The following LPL variants were observed in gnomAD, a reference collection of about 807,000 sequenced individuals.
LPL encodes phospholipase A1.
LPL carries 43 observed loss-of-function variants against 52.2 expected under a neutral mutation model. The observed-to-expected ratio is 0.82, with a 90% confidence interval of 0.64 to 1.06. The LOEUF (loss-of-function observed/expected upper bound fraction) is 1.06, where lower values mean the gene tolerates loss of function less well. Ranked by LOEUF, LPL falls within the 50% of genes least tolerant of loss-of-function variation. The probability of loss-of-function intolerance (pLI) is 0.00; values close to 1 mark genes in which losing one functional copy is unlikely to be tolerated. For missense variants in LPL, 639 were observed against 585.3 expected, an observed-to-expected ratio of 1.09 and a Z score of -0.95; for synonymous variants, 244 against 215.6, an observed-to-expected ratio of 1.13 and a Z score of -1.15.
chr8:19,954,375 A>T (rs1156888505), intron 5 of LPL, 22 bp downstream of exon 5: 1 of 1,598,486 alleles, frequency 6.3e-7, no homozygotes, highest in Non-Finnish European at 8.6e-7. Flanking sequence ...TTAGAAGCGA[A>T]TTAAATGTGA....
At chr8:19,952,478 C>T (rs914908587) in intron 3 of LPL, among the ~76,000 whole-genome samples, 2 of 152,116 alleles carry the variant, frequency 1.3e-5, no homozygotes, top group African/African-American at 4.8e-5. Context: ...GTCTGGAGTT[C>T]TGACTTAGCT....
intron 5 of LPL, 106 bp downstream of exon 5, chr8:19,954,459 T>C: frequency 9.0e-7 from 1 of 1,106,194 alleles, no homozygotes; most frequent in Non-Finnish European, 1.3e-6. Context: ...ATATACACAT[T>C]TGGCCAAATT....
chr8:19,960,486 G>C (rs312), intron 7 of LPL, among the ~76,000 whole-genome samples: 24,352 of 152,038 alleles, frequency 0.16, 2,194 homozygotes, highest in African/African-American at 0.24. Flanking sequence ...AACTATAATT[G>C]TAGGAAACCC....
intron 1 of LPL, among the ~76,000 whole-genome samples, chr8:19,947,623 A>G (rs1590138848): frequency 6.7e-6 from 1 of 149,402 alleles, no homozygotes; most frequent in East Asian, 2.0e-4. Flanking sequence ...ACAGAACAAG[A>G]CCCTGTCTCA....
chr8:19,952,709 C>T (rs1227525052), intron 3 of LPL, among the ~76,000 whole-genome samples: 1 of 152,146 alleles, frequency 6.6e-6, no homozygotes, highest in Non-Finnish European at 1.5e-5. Flanking sequence ...GGGATCACCT[C>T]CCTGGGGCTC....
chr8:19,952,063 C>T (rs1236180487), intron 3 of LPL, 115 bp downstream of exon 3: 9 of 1,178,878 alleles, frequency 7.6e-6, no homozygotes, highest in African/African-American at 4.6e-5. Flanking sequence ...TGGGGGCATT[C>T]AAATCTTCAG....
At chr8:19,945,505 C>T (rs984495919) in intron 1 of LPL, among the ~76,000 whole-genome samples, 1 of 152,168 alleles carries the variant, frequency 6.6e-6, no homozygotes. Context: ...TCTCTAAATA[C>T]AAATTTACTA....
chr8:19,940,223 C>T (rs2069822737), intron 1 of LPL, among the ~76,000 whole-genome samples: 1 of 152,224 alleles, frequency 6.6e-6, no homozygotes, highest in Non-Finnish European at 1.5e-5. Context: ...CTCGCATGCC[C>T]CTCTTTTCTT....
intron 8 of LPL, 101 bp downstream of exon 8, chr8:19,961,184 G>A (rs2070035445): frequency 1.0e-6 from 1 of 952,950 alleles, no homozygotes; most frequent in Non-Finnish European, 1.6e-6. Flanking sequence ...GAGAGCTTTA[G>A]GAAACCTTGT....
In LPL at chr8:19,965,745, G is replaced by C. The variant is rs1163428111; in HGVS notation, c.*435G>C. 4 of 164,080 alleles carry C rather than the reference G, an allele frequency of 2.4e-5. No homozygotes were observed. The highest frequency in any genetic ancestry group is 4.0e-5 in the Non-Finnish European group (3 of 75,848). The allele number at this position is 164,080 out of a possible 1,614,324, so 10.2% of individuals were successfully genotyped here. On this transcript the variant is annotated 3_prime_UTR_variant, in exon 10 of 10. Coordinates refer to ENST00000650287, the MANE Select transcript of LPL (RefSeq NM_000237.3). ...TTTACTCTAAGTCTCCAAGAATACA[G>C]AAAATGCTTTTCCGCGGCACGAATC...
intron 7 of LPL, among the ~76,000 whole-genome samples, chr8:19,959,780 T>C (rs946356027): frequency 4.4e-4 from 38 of 86,834 alleles, no homozygotes; most frequent in African/African-American, 2.1e-3. Flanking sequence ...GTTAGCTCTT[T>C]TTTTTTTTTT....
intron 7 of LPL, among the ~76,000 whole-genome samples, chr8:19,959,777 CTTTTTTTTTTTTTTTT>C (rs71205952): frequency 7.7e-5 from 5 of 65,100 alleles, no homozygotes; most frequent in African/African-American, 2.0e-4. Flanking sequence ...AGTGTTAGCT[CTTTTTTTTTTTTTTTT>C]TTTTTTTTTT....
rs2070091596 is a variant in LPL, at chr8:19,966,591, AC to A, written c.*1284del. 1 of 152,182 alleles carries A rather than the reference AC, an allele frequency of 6.6e-6. No individual in the cohort carries two copies. The highest frequency in any genetic ancestry group is 6.5e-5 in the Admixed American group (1 of 15,284). The allele number at this position is 152,182 out of a possible 1,614,324, so 9.4% of individuals were successfully genotyped here. A position where few individuals can be genotyped will look rare whatever the true frequency, so the allele number is the denominator to read the frequency against. On this transcript the variant is annotated 3_prime_UTR_variant, in exon 10 of 10. Coordinates refer to ENST00000650287, the MANE Select transcript of LPL (RefSeq NM_000237.3). The stretch of plus-strand genomic sequence containing the variant: ...AATATCTCAGAGGCTATAGCTGGGA[AC>A]CCGACTGTGAAAGTATGTGATATCT...
Position 19,966,804 on chromosome 8 carries a change from A to T in LPL, c.*1494A>T, listed in dbSNP as rs1339798723. ...TAGTAGGACCAATGTTGTGATTAAC[A>T]TCATCAGGCTTGGAATGAATTCTCT... On this transcript the variant is annotated 3_prime_UTR_variant, in exon 10 of 10. Coordinates refer to ENST00000650287, the MANE Select transcript of LPL (RefSeq NM_000237.3). 3 of 152,230 alleles carry T rather than the reference A, an allele frequency of 2.0e-5. No homozygotes were observed. Among genetic ancestry groups the T allele is most frequent in the African/African-American group, 7.2e-5 (3 of 41,462 alleles). The allele number at this position is 152,230 out of a possible 1,614,324, so 9.4% of individuals were successfully genotyped here.
In LPL at chr8:19,939,911, C is replaced by T. The variant is rs904120401; in HGVS notation, c.88+383C>T. 6.6e-6 allele frequency among the ~76,000 whole-genome samples: 1 copy of T among 152,284 alleles called. No homozygotes were observed. The highest frequency in any genetic ancestry group is 1.9e-4 in the East Asian group (1 of 5,150). On this transcript the variant is annotated intron_variant, in intron 1 of 9. Coordinates refer to ENST00000650287, the MANE Select transcript of LPL (RefSeq NM_000237.3). The surrounding 1 kb of genome is among the most constrained non-coding windows in gnomAD (Gnocchi z 4.0). ...CGGTGACCTGCAGTCACCTCTCTGC[C>T]GGAGGGGCCCTGGAATGAAAGGCGC...
In LPL at chr8:19,961,072, G is replaced by A. The variant is rs1266416924; in HGVS notation, c.1311G>A (p.Glu437=). The A allele has an allele frequency of 6.2e-7, 1 of 1,613,958 alleles. No homozygotes were observed. The highest frequency in any genetic ancestry group is 8.5e-7 in the Non-Finnish European group (1 of 1,180,006). The change falls in exon 8 of 10, where the codon GAG becomes GAA. Residue 437 remains glutamate (E), a synonymous_variant. Transcript: ENST00000650287. ...AIQKIRVKAG[E]TQKKVIFCSR... ...AGAAGATCAGAGTAAAAGCAGGAGA[G>A]ACTCAGAAAAAGTAATTAAATGTAT... is the stretch of plus-strand genomic sequence containing the variant.
Position 19,965,146 on chromosome 8 carries a change from T to C in LPL, c.*-164T>C, listed in dbSNP as rs114991789. On this transcript the variant is annotated intron_variant, in intron 9 of 9. Transcript: ENST00000650287. ...GTCTTCCATTCCTACAAACCTGCCA[T>C]TCTCTGATCCATTATACACATCTCC... Among the ~76,000 whole-genome samples the C allele has an allele frequency of 3.7e-3, 564 of 152,320 alleles. 6 individuals are homozygous for C. The highest frequency in any genetic ancestry group is 0.013 in the African/African-American group (541 of 41,588).
At position 19,950,702 on chromosome 8, in the gene LPL, G is replaced by A. The variant is rs1437038199; in HGVS notation, c.250-1067G>A. On this transcript the variant is annotated intron_variant, in intron 2 of 9. Transcript: ENST00000650287. The surrounding 1 kb of genome is among the most constrained non-coding windows in gnomAD (Gnocchi z 4.2). ...GCTTGTAGTCCCAGCTACTCAGGAG[G>A]CTGAGGCAGGAGAATCGCTTGAACC... Among the ~76,000 whole-genome samples, 1 of 152,190 alleles carries A rather than the reference G, an allele frequency of 6.6e-6. No individual in the cohort carries two copies.
At chr8:19,955,794 T>C (rs758756700) in intron 5 of LPL, 47 bp from the exon 6 acceptor site, 2 of 1,613,622 alleles carry the variant, frequency 1.2e-6, no homozygotes, top group Admixed American at 1.7e-5. Flanking sequence ...AAACACTCTT[T>C]GTGAATTTCT....
Sources: allele counts gnomAD v4.1 joint callset (sites outside exome capture counted in the v4.1 genomes callset), GRCh38; gene constraint gnomAD v4.1.1; non-coding constraint Gnocchi (gnomAD v3.1); transcripts MANE v1.5; gene names NCBI Gene and HGNC (gene_info 2026-07-23, HGNC 2026-07-21).